The following RIC1 variants were observed in gnomAD, a reference collection of about 807,000 sequenced individuals.
RIC1 encodes the protein guanine nucleotide exchange factor subunit RIC1.
A neutral mutation model predicts 169.0 loss-of-function variants in RIC1; 88 were observed. The observed-to-expected ratio is 0.52, with a 90% CI of 0.44 to 0.62. The LOEUF (loss-of-function observed/expected upper bound fraction) is 0.62, where lower values mean the gene tolerates loss of function less well. Ranked by LOEUF, RIC1 falls within the 20% of genes least tolerant of loss-of-function variation. RIC1 has a pLI of 0.00. For missense variants in RIC1, 1,877 were observed against 1,725.5 expected (o/e 1.09, Z -1.56); for synonymous variants, 790 against 601.5 (o/e 1.31, Z -4.59).
rs1407909232 is a variant in RIC1, at chr9:5,763,258, C to T, written c.2231C>T (p.Ala744Val). 2.5e-6 allele frequency: 4 copies of T among 1,614,010 alleles called. No individual in the cohort carries two copies. Among genetic ancestry groups the T allele is most frequent in the African/African-American group, 1.3e-5 (1 of 74,910 alleles). ...LEALWLSCGG[A>V]GMKVWLPLFP... ...GCCCTCTGGCTGAGCTGTGGTGGTG[C>T]AGGGATGAAAGTTTGGCTCCCTCTC... Residue 744 changes from alanine to valine, a missense_variant, in exon 19 of 26, where the codon GCA (alanine) becomes GTA (valine). Ala to Val is a moderately conservative substitution (Grantham distance 64). Around this residue, in one of 3 missense-constraint regions of RIC1, gnomAD observed 1,104 missense variants for 992.0 expected, o/e 1.11. Transcript: ENST00000414202. This position sits in a 1 kb window ranked among gnomAD's most constrained non-coding sequence, Gnocchi z 5.2.
rs527559773 is a variant in RIC1 at position 5,709,976 on chromosome 9, A to G, written c.333-3920A>G. Among the ~76,000 whole-genome samples, 64 of 152,342 alleles carry G rather than the reference A, an allele frequency of 4.2e-4. 1 individual carries two copies. Among genetic ancestry groups the G allele is most frequent in the African/African-American group, 1.4e-3 (59 of 41,590 alleles). ...TTTTAAGATAGGTAATGTGGTTTCAATTCTTTCTCTTGATAATCACCAACA... is the reference window on the plus strand; with the variant it reads ...TTTTAAGATAGGTAATGTGGTTTCAGTTCTTTCTCTTGATAATCACCAACA... On this transcript the variant is annotated intron_variant, in intron 3 of 25. Coordinates refer to ENST00000414202, the MANE Select transcript of RIC1 (RefSeq NM_020829.4).
intron 1 of RIC1, among the ~76,000 whole-genome samples, chr9:5,629,835 C>T (rs1432754993): frequency 6.6e-6 from 1 of 152,220 alleles, no homozygotes; most frequent in Non-Finnish European, 1.5e-5. Context: ...CGCTGTGGTG[C>T]CCCAACCCTC....
At chr9:5,656,399 G>T (rs1223213880) in intron 1 of RIC1, among the ~76,000 whole-genome samples, 184 bp from the exon 2 acceptor site, 1 of 152,098 alleles carries the variant, frequency 6.6e-6, no homozygotes, top group Non-Finnish European at 1.5e-5. Flanking sequence ...TAATACAGGC[G>T]TAGGTTTAGG....
At chr9:5,777,733 C>T (rs932350313), downstream of RIC1, among the ~76,000 whole-genome samples, 49 of 152,180 alleles carry the variant, frequency 3.2e-4, no homozygotes, top group Middle Eastern at 6.8e-3. Context: ...ATTGTCAGAG[C>T]ACCATTTATG....
At chr9:5,724,796 C>T (rs975757607) in intron 6 of RIC1, among the ~76,000 whole-genome samples, 16 of 152,262 alleles carry the variant, frequency 1.1e-4, no homozygotes, top group Non-Finnish European at 1.9e-4. Context: ...AAGGCCTTTT[C>T]TGCATCTATT....
chr9:5,740,872 A>G (rs1398254209), intron 8 of RIC1, among the ~76,000 whole-genome samples: 1 of 152,146 alleles, frequency 6.6e-6, no homozygotes, highest in Non-Finnish European at 1.5e-5. Flanking sequence ...CATCACAATT[A>G]GGATATTTAA....
At chr9:5,681,722 T>A (rs1398657343) in intron 2 of RIC1, among the ~76,000 whole-genome samples, 1 of 152,206 alleles carries the variant, frequency 6.6e-6, no homozygotes, top group East Asian at 1.9e-4. Flanking sequence ...CTCTTTGATC[T>A]GTCTAATGGT....
chr9:5,652,652 A>C (rs1394911186), intron 1 of RIC1, among the ~76,000 whole-genome samples: 2 of 151,552 alleles, frequency 1.3e-5, no homozygotes, highest in Non-Finnish European at 2.9e-5. Context: ...AAATAGTGTT[A>C]ATTTGACTTC....
intron 1 of RIC1, among the ~76,000 whole-genome samples, chr9:5,637,095 A>G (rs371593073): frequency 5.3e-5 from 8 of 152,048 alleles, no homozygotes; most frequent in African/African-American, 1.9e-4. Context: ...GTTTCACTTC[A>G]GTTGCCCAGG....
Position 5,769,275 on chromosome 9 carries a change from C to T in RIC1, c.3424+19C>T. 1 of 1,613,704 alleles carries T rather than the reference C, an allele frequency of 6.2e-7. No individual in the cohort carries two copies. Among genetic ancestry groups the T allele is most frequent in the Non-Finnish European group, 8.5e-7 (1 of 1,179,634 alleles). On this transcript the variant is annotated intron_variant, in intron 22 of 25. Transcript: ENST00000414202. Reference sequence around the variant, plus strand: ...CGAACTGGTAATGTAGACTTCATGTCACTTGTACAAGGAGAATTGTATTTT... The same window carrying T: ...CGAACTGGTAATGTAGACTTCATGTTACTTGTACAAGGAGAATTGTATTTT...
At chr9:5,687,313 G>A (rs1821310446) in intron 2 of RIC1, among the ~76,000 whole-genome samples, 1 of 151,866 alleles carries the variant, frequency 6.6e-6, no homozygotes, top group African/African-American at 2.4e-5. Context: ...TTATTTTTCT[G>A]TTTTCTATTT....
intron 2 of RIC1, among the ~76,000 whole-genome samples, chr9:5,658,500 A>G (rs944689469): frequency 1.6e-4 from 24 of 152,254 alleles, no homozygotes; most frequent in African/African-American, 4.6e-4. Flanking sequence ...GTCCATGTGA[A>G]GTATGAATTG....
At chr9:5,749,063 A>G (rs897937999) in intron 12 of RIC1, among the ~76,000 whole-genome samples, 5 of 152,210 alleles carry the variant, frequency 3.3e-5, no homozygotes, top group African/African-American at 4.8e-5. Context: ...AAGAGATCAT[A>G]AAGTCCAACT....
rs577825305 is a variant in RIC1, at chr9:5,744,066, A to T, written c.1095+329A>T. Among the ~76,000 whole-genome samples the T allele has an allele frequency of 2.0e-5, 3 of 152,134 alleles. No homozygotes were observed. In the South Asian group the frequency reaches 6.2e-4, roughly 32 times the overall value. ...TCTGATAAAATCACAAAACTATTTT[A>T]GTCTCAGCAGACTCTTCATTATACA... On this transcript the variant is annotated intron_variant, in intron 10 of 25. Coordinates refer to ENST00000414202, the MANE Select transcript of RIC1 (RefSeq NM_020829.4).
chr9:5,747,728 T>G (rs1825467056), intron 12 of RIC1, among the ~76,000 whole-genome samples: 1 of 152,226 alleles, frequency 6.6e-6, no homozygotes, highest in Admixed American at 6.5e-5. Flanking sequence ...AGTCTATTAA[T>G]AATGTCAAGA....
At position 5,770,200 on chromosome 9, in the gene RIC1, A is replaced by G. The variant is rs1275029552; in HGVS notation, c.3538A>G (p.Thr1180Ala). The G allele has an allele frequency of 2.5e-6, 4 of 1,613,908 alleles. No individual in the cohort carries two copies. Among genetic ancestry groups the G allele is most frequent in the Non-Finnish European group, 3.4e-6 (4 of 1,179,936 alleles). ...GAGCTGGCTCAGCAACATTGGCCCCACCCATCATGAGATAGACACAGCTTC... is the reference window on the plus strand; with the variant it reads ...GAGCTGGCTCAGCAACATTGGCCCCGCCCATCATGAGATAGACACAGCTTC... ...SQSWLSNIGP[T>A]HHEIDTASSH... The change falls in exon 23 of 26, where the codon ACC (threonine) becomes GCC (alanine). Residue 1180 changes from threonine (T) to alanine (A), a missense_variant. Coordinates refer to ENST00000414202, the MANE Select transcript of RIC1 (RefSeq NM_020829.4).
Position 5,775,694 on chromosome 9 carries a change from A to G in RIC1, c.*1448A>G, listed in dbSNP as rs903178848. ...CCAGGTTTCCTTTGAAGAGAAACTC[A>G]AAACCATTTTGAAACTGCTTAGTTC... On this transcript the variant is annotated 3_prime_UTR_variant, in exon 26 of 26. Coordinates refer to ENST00000414202, the MANE Select transcript of RIC1 (RefSeq NM_020829.4). 2 of 152,240 alleles carry G rather than the reference A, an allele frequency of 1.3e-5. No homozygotes were observed. The highest frequency in any genetic ancestry group is 4.8e-5 in the African/African-American group (2 of 41,472). The allele number at this position is 152,240 out of a possible 1,614,324, so 9.4% of individuals were successfully genotyped here.
At chr9:5,756,465 T>G in intron 16 of RIC1, 93 bp downstream of exon 16, 1 of 819,432 alleles carries the variant, frequency 1.2e-6, no homozygotes, top group African/African-American at 1.8e-5. Context: ...TTATTCCACT[T>G]TTATATTCAA....
chr9:5,647,835 A>G lies in RIC1; in HGVS notation c.145-8748A>G, dbSNP rs141326020. Reference sequence around the variant, plus strand: ...TTGTCTTAATTCTGACCTTTGAGGAAAAGCTTTCCATCTTTTCACCATTGA... The same window carrying G: ...TTGTCTTAATTCTGACCTTTGAGGAGAAGCTTTCCATCTTTTCACCATTGA... On this transcript the variant is annotated intron_variant, in intron 1 of 25. Coordinates refer to ENST00000414202, the MANE Select transcript of RIC1 (RefSeq NM_020829.4). Among the ~76,000 whole-genome samples the G allele has an allele frequency of 3.1e-4, 47 of 152,186 alleles. No individual in the cohort carries two copies. In the East Asian group the frequency reaches 8.3e-3, roughly 27 times the overall value.
Sources: gnomAD v4.1 joint callset for allele counts (sites outside exome capture counted in the v4.1 genomes callset) on GRCh38, gnomAD v4.1.1 for gene constraint, gnomAD v4.1.1 regional missense constraint, Gnocchi (gnomAD v3.1) non-coding constraint, MANE v1.5 for transcripts, NCBI Gene and HGNC (gene_info 2026-07-23, HGNC 2026-07-21) for gene names.